TSPAN7: variants seen among roughly 807,000 people sequenced by gnomAD.
The protein encoded by TSPAN7 is tetraspanin 7.
In TSPAN7, 1 loss-of-function variant was observed where a neutral mutation model predicts 17.6. The ratio of observed to expected loss-of-function variants is 0.06; its 90% CI spans 0.02 to 0.27. The LOEUF (loss-of-function observed/expected upper bound fraction) is 0.27. TSPAN7 is among the 10% of genes least tolerant of loss of function. The pLI is 1.00. For synonymous variants in TSPAN7, 78 were observed against 79.0 expected (o/e 0.99, Z 0.07); for missense variants, 112 against 201.7 (o/e 0.56, Z 2.69).
chrX:38,659,235 G>A (rs896583590), intron 1 of TSPAN7, among the ~76,000 whole-genome samples: 1 of 111,584 alleles, frequency 9.0e-6, no homozygotes, highest in Non-Finnish European at 1.9e-5. Flanking sequence ...ACAAACGCAT[G>A]TCCTGCTGGG....
intron 1 of TSPAN7, among the ~76,000 whole-genome samples, chrX:38,565,868 T>C (rs780969760): frequency 1.8e-5 from 2 of 111,665 alleles, no homozygotes; most frequent in Non-Finnish European, 1.9e-5. Context: ...TATTTGGCAA[T>C]GTCTGGAGAC....
Position 38,561,576 on chromosome X carries a change from T to C in TSPAN7, c.30T>C (p.Pro10=), listed in dbSNP as rs1196660039. Residue 10 remains proline, a synonymous_variant, in exon 1 of 8, where the codon CCT becomes CCC. Transcript: ENST00000378482. MASRRMETK[P]VITCLKTLLI... Reference sequence around the variant, plus strand: ...CATCGAGGAGAATGGAGACCAAACCTGTGATAACCTGTCTCAAAACCCTCC... The same window carrying C: ...CATCGAGGAGAATGGAGACCAAACCCGTGATAACCTGTCTCAAAACCCTCC... The C allele has an allele frequency of 1.7e-6, 2 of 1,202,586 alleles. No homozygotes were observed. The highest frequency in any genetic ancestry group is 1.8e-5 in the South Asian group (1 of 56,654).
chrX:38,662,522 G>A (rs921276577), intron 1 of TSPAN7, among the ~76,000 whole-genome samples: 2 of 111,547 alleles, frequency 1.8e-5, no homozygotes, highest in Non-Finnish European at 3.8e-5. Flanking sequence ...GGGTACAGAA[G>A]GACCATGGTA....
At chrX:38,570,319 CTT>C (rs1397112440) in intron 1 of TSPAN7, among the ~76,000 whole-genome samples, 2 of 111,844 alleles carry the variant, frequency 1.8e-5, no homozygotes, top group Non-Finnish European at 3.8e-5. Flanking sequence ...ATTTTATCAA[CTT>C]AATTTACTAT....
At chrX:38,592,348 A>G (rs2069296998) in intron 1 of TSPAN7, among the ~76,000 whole-genome samples, 2 of 111,558 alleles carry the variant, frequency 1.8e-5, no homozygotes, top group South Asian at 3.7e-4. Context: ...TAATCTGACA[A>G]TCTCTGCCTT....
intron 1 of TSPAN7, among the ~76,000 whole-genome samples, chrX:38,644,103 C>G (rs999273868): frequency 9.0e-6 from 1 of 111,701 alleles, no homozygotes; most frequent in African/African-American, 3.3e-5. Flanking sequence ...CAAACTCCCT[C>G]TTCTTCTCAA....
intron 1 of TSPAN7, among the ~76,000 whole-genome samples, chrX:38,604,489 A>G (rs1481217333): frequency 1.4e-4 from 15 of 110,693 alleles, no homozygotes; most frequent in African/African-American, 4.9e-4. Flanking sequence ...AGTCCCACCA[A>G]CAGTGTAAAA....
chrX:38,644,101 C>CT (rs1046028233), intron 1 of TSPAN7, among the ~76,000 whole-genome samples: 7 of 111,640 alleles, frequency 6.3e-5, no homozygotes, highest in African/African-American at 2.3e-4. Context: ...CCCAAACTCC[C>CT]TCTTCTTCTC....
intron 1 of TSPAN7, among the ~76,000 whole-genome samples, chrX:38,569,918 G>A (rs1394204144): frequency 9.0e-6 from 1 of 111,572 alleles, no homozygotes; most frequent in Non-Finnish European, 1.9e-5. Flanking sequence ...GCAATAGTCG[G>A]GCTATTCTAA....
rs181628549 is a variant in TSPAN7, at chrX:38,635,940, C to A, written c.82-30181C>A. On this transcript the variant is annotated intron_variant, in intron 1 of 7. Coordinates refer to ENST00000378482, the MANE Select transcript of TSPAN7 (RefSeq NM_004615.4). Reference sequence around the variant, plus strand: ...CTGTGCAGGCCTTTATGAGTAGTACCCCATGAAGTTCATCACAAACTTCCC... The same window carrying A: ...CTGTGCAGGCCTTTATGAGTAGTACACCATGAAGTTCATCACAAACTTCCC... 1.2e-4 allele frequency among the ~76,000 whole-genome samples: 13 copies of A among 111,309 alleles called. No homozygotes were observed. In the East Asian group the frequency reaches 3.7e-3, roughly 31 times the overall value.
At chrX:38,630,398 A>G (rs1033746130) in intron 1 of TSPAN7, among the ~76,000 whole-genome samples, 1 of 111,987 alleles carries the variant, frequency 8.9e-6, no homozygotes, top group Non-Finnish European at 1.9e-5. Flanking sequence ...TTAATCTAAA[A>G]GGTTTTTTTT....
intron 1 of TSPAN7, chrX:38,622,962 T>C (rs1266105307): frequency 1.2e-5 from 4 of 330,035 alleles, no homozygotes; most frequent in Admixed American, 6.2e-5. Context: ...ACAAGTAATA[T>C]GGTATGGAAG....
intron 1 of TSPAN7, among the ~76,000 whole-genome samples, chrX:38,584,242 A>C (rs2069245339): frequency 9.0e-6 from 1 of 110,827 alleles, no homozygotes; most frequent in Non-Finnish European, 1.9e-5. Context: ...CATGAGCCAC[A>C]GCGCCTGGCA....
intron 1 of TSPAN7, among the ~76,000 whole-genome samples, chrX:38,599,860 T>C (rs2069336580): frequency 8.9e-6 from 1 of 112,198 alleles, no homozygotes. Flanking sequence ...GATTTTGTTT[T>C]ACATTTCTCC....
intron 1 of TSPAN7, among the ~76,000 whole-genome samples, chrX:38,651,050 C>CATATATATAT (rs34201318): frequency 1.2e-4 from 12 of 98,131 alleles, no homozygotes; most frequent in African/African-American, 3.0e-4. Flanking sequence ...AATGTGATTA[C>CATATATATAT]ATATATATAT....
intron 1 of TSPAN7, among the ~76,000 whole-genome samples, chrX:38,562,522 C>T (rs947617848): frequency 9.7e-6 from 1 of 102,816 alleles, no homozygotes; most frequent in Non-Finnish European, 2.0e-5. Context: ...GCGTGGTGCA[C>T]CTCGCGGAGG....
chrX:38,601,735 T>C (rs1229795762), intron 1 of TSPAN7, among the ~76,000 whole-genome samples: 1 of 111,688 alleles, frequency 9.0e-6, no homozygotes, highest in East Asian at 2.8e-4. Context: ...CTGAAGACAA[T>C]AATTTATTTG....
At chrX:38,683,755 T>G (rs776186199) in intron 6 of TSPAN7, among the ~76,000 whole-genome samples, 2 of 113,194 alleles carry the variant, frequency 1.8e-5, no homozygotes, top group East Asian at 5.5e-4. Flanking sequence ...AGGGCATCCC[T>G]GGGACAATGG....
intron 1 of TSPAN7, among the ~76,000 whole-genome samples, chrX:38,565,046 T>C (rs1431777275): frequency 1.8e-5 from 2 of 111,856 alleles, no homozygotes; most frequent in East Asian, 2.8e-4. Context: ...AAAACCAAGG[T>C]CACAAATATT....
Sources: allele counts gnomAD v4.1 joint callset (sites outside exome capture counted in the v4.1 genomes callset), GRCh38; gene constraint gnomAD v4.1.1; transcripts MANE v1.5; gene names NCBI Gene and HGNC (gene_info 2026-07-23, HGNC 2026-07-21).